The following PGR variants were observed in gnomAD, a reference collection of about 807,000 sequenced individuals.
The protein encoded by PGR is progesterone receptor.
PGR carries 25 observed loss-of-function variants against 76.1 expected under a neutral mutation model. The ratio of observed to expected loss-of-function variants is 0.33; its 90% CI spans 0.24 to 0.46. The LOEUF (loss-of-function observed/expected upper bound fraction) is 0.46. Among genes scored for constraint, PGR ranks in the 20% least tolerant of loss-of-function variants. The pLI is 1.00. For synonymous variants in PGR, 579 were observed against 535.0 expected, an observed-to-expected ratio of 1.08 and a Z score of -1.14; for missense variants, 1,172 against 1,225.3, an observed-to-expected ratio of 0.96 and a Z score of 0.65.
intron 6 of PGR, among the ~76,000 whole-genome samples, chr11:101,045,703 G>GTATA (rs1859854081): frequency 6.7e-6 from 1 of 150,358 alleles, no homozygotes; most frequent in Non-Finnish European, 1.5e-5. Context: ...GTGTATGTAT[G>GTATA]TATATGTGTG....
Position 101,035,271 on chromosome 11 carries a change from T to A in PGR, c.*3845A>T, listed in dbSNP as rs180738241. 4.4e-6 allele frequency: 1 copy of A among 227,886 alleles called. No homozygotes were observed. The highest frequency in any genetic ancestry group is 8.7e-6 in the Non-Finnish European group (1 of 114,724). 14.1% of individuals were successfully genotyped at this position (227,886 alleles called of 1,614,324 possible). ...TATGTTTTGGCAAGTTTTGAATGCT[T>A]CTTATGCACATGGCTCTGGAGTTGT... On this transcript the variant is annotated 3_prime_UTR_variant, in exon 8 of 8. Coordinates refer to ENST00000325455, the MANE Select transcript of PGR (RefSeq NM_000926.4).
At chr11:101,120,106 T>G (rs1254187713) in intron 2 of PGR, among the ~76,000 whole-genome samples, 1 of 152,226 alleles carries the variant, frequency 6.6e-6, no homozygotes, top group African/African-American at 2.4e-5. Context: ...CTGCCATTCT[T>G]CTCCATGTGT....
At position 101,091,766 on chromosome 11, in the gene PGR, G is replaced by C; in HGVS notation, c.1900C>G (p.Leu634Val). Residue 634 changes from leucine to valine, a missense_variant, in exon 3 of 8, where the codon CTT (leucine) becomes GTT (valine). By Grantham distance (32) the Leu-to-Val change is conservative (BLOSUM62 1). This residue lies in a region of PGR where 73 missense variants were observed against 60.7 expected (regional missense o/e 1.20). Transcript: ENST00000325455. ...ATGAAAACATCAGAATTACCTCCAAGGACCATGCCAGCCTGACAGCACTTT... is the reference window on the plus strand; with the variant it reads ...ATGAAAACATCAGAATTACCTCCAACGACCATGCCAGCCTGACAGCACTTT... ...LRKCCQAGMV[L>V]GGRKFKKFNK... is the part of the protein sequence containing the mutation. 6.6e-7 allele frequency: 1 copy of C among 1,521,870 alleles called. No individual in the cohort carries two copies. Among genetic ancestry groups the C allele is most frequent in the Non-Finnish European group, 9.1e-7 (1 of 1,095,996 alleles). The allele number at this position is 1,521,870 out of a possible 1,614,324, so 94.3% of individuals were successfully genotyped here. A position where few individuals can be genotyped will look rare whatever the true frequency, so the allele number is the denominator to read the frequency against.
At chr11:101,108,453 C>G (rs536034980) in intron 2 of PGR, among the ~76,000 whole-genome samples, 1 of 152,248 alleles carries the variant, frequency 6.6e-6, no homozygotes, top group East Asian at 1.9e-4. Context: ...GATCATGCCA[C>G]TGCACTCCAG....
intron 2 of PGR, among the ~76,000 whole-genome samples, chr11:101,102,029 A>G (rs1862011898): frequency 6.6e-6 from 1 of 152,182 alleles, no homozygotes; most frequent in South Asian, 2.1e-4. Flanking sequence ...AAAATCAGAC[A>G]AAGCCAGATT....
At chr11:101,116,135 A>G (rs1862498763) in intron 2 of PGR, among the ~76,000 whole-genome samples, 1 of 152,206 alleles carries the variant, frequency 6.6e-6, no homozygotes, top group Non-Finnish European at 1.5e-5. Context: ...TTTTGTTTGC[A>G]GTGCTTTTTG....
At position 101,034,008 on chromosome 11, in the gene PGR, C is replaced by T. The variant is rs1387556198; in HGVS notation, c.*5108G>A. The T allele has an allele frequency of 1.7e-5, 4 of 230,208 alleles. No individual in the cohort carries two copies. In the South Asian group the frequency reaches 7.3e-4, roughly 42 times the overall value. The allele number at this position is 230,208 out of a possible 1,614,324, so 14.3% of individuals were successfully genotyped here. A position where few individuals can be genotyped will look rare whatever the true frequency, so the allele number is the denominator to read the frequency against. ...TTATTCATATCTATCCGAATATTGACCAGGACACTAATGCCACACTGCAGA... is the reference window on the plus strand; with the variant it reads ...TTATTCATATCTATCCGAATATTGATCAGGACACTAATGCCACACTGCAGA... On this transcript the variant is annotated 3_prime_UTR_variant, in exon 8 of 8. Transcript: ENST00000325455.
At chr11:101,122,391 A>G (rs927061046) in intron 2 of PGR, among the ~76,000 whole-genome samples, 2 of 152,224 alleles carry the variant, frequency 1.3e-5, no homozygotes, top group African/African-American at 4.8e-5. Context: ...CTGGATGCCT[A>G]GTATATTCCT....
chr11:101,060,358 T>G (rs1860448292), intron 4 of PGR, among the ~76,000 whole-genome samples: 1 of 152,210 alleles, frequency 6.6e-6, no homozygotes, highest in Non-Finnish European at 1.5e-5. Flanking sequence ...GATGACCAGA[T>G]GCTAGCATGT....
At chr11:101,091,560 C>T (rs1279102274) in intron 3 of PGR, among the ~76,000 whole-genome samples, 200 bp downstream of exon 3, 1 of 152,122 alleles carries the variant, frequency 6.6e-6, no homozygotes, top group African/African-American at 2.4e-5. Context: ...TCTTAACAGA[C>T]CTCAATGTGC....
In PGR at chr11:101,062,741, T is replaced by A. The variant is rs1230225508; in HGVS notation, c.1918A>T (p.Lys640Ter). Residue 640 changes from lysine to a stop codon, truncating the protein, a stop_gained, in exon 4 of 8, where the codon AAA (lysine) becomes TAA (stop). Coordinates refer to ENST00000325455, the MANE Select transcript of PGR (RefSeq NM_000926.4). LOFTEE classifies it high-confidence loss of function. ...AGMVLGGRKF[K>*]KFNKVRVVRA... ...ACAACTCTGACTTTATTGAACTTTT[T>A]AAATTTTCGACCTACAGAGAAGAAA... 2 of 1,611,670 alleles carry A rather than the reference T, an allele frequency of 1.2e-6. No homozygotes were observed. The highest frequency in any genetic ancestry group is 1.7e-6 in the Non-Finnish European group (2 of 1,179,356).
chr11:101,055,611 T>C (rs1263619007), intron 4 of PGR, among the ~76,000 whole-genome samples: 1 of 152,122 alleles, frequency 6.6e-6, no homozygotes, highest in Non-Finnish European at 1.5e-5. Flanking sequence ...TTAACTATGC[T>C]GTAATTTTTC....
At chr11:101,123,530 C>G (rs1199736251) in intron 2 of PGR, among the ~76,000 whole-genome samples, 2 of 152,222 alleles carry the variant, frequency 1.3e-5, no homozygotes, top group Non-Finnish European at 2.9e-5. Context: ...AATCTAGTTT[C>G]TCAAACTTTA....
At chr11:101,120,446 G>A (rs1281970689) in intron 2 of PGR, among the ~76,000 whole-genome samples, 2 of 152,030 alleles carry the variant, frequency 1.3e-5, no homozygotes, top group Non-Finnish European at 2.9e-5. Flanking sequence ...ATGTACCAAA[G>A]GAGAAATGTA....
intron 2 of PGR, among the ~76,000 whole-genome samples, chr11:101,093,483 G>A (rs1861740817): frequency 1.3e-5 from 2 of 152,000 alleles, no homozygotes; most frequent in East Asian, 1.9e-4. Context: ...TCTTTCAGAC[G>A]GAGTTTCGCT....
chr11:101,107,865 TAAA>T (rs56355097), intron 2 of PGR, among the ~76,000 whole-genome samples: 5 of 119,272 alleles, frequency 4.2e-5, no homozygotes, highest in Non-Finnish European at 3.4e-5. Flanking sequence ...ACTGGCTTTG[TAAA>T]AAAAAAAAAA....
intron 2 of PGR, among the ~76,000 whole-genome samples, chr11:101,107,829 C>G (rs535903692): frequency 7.0e-6 from 1 of 143,484 alleles, no homozygotes; most frequent in African/African-American, 2.6e-5. Context: ...TTATAACTTT[C>G]TAGAATCTCC....
rs570684954 is a variant in PGR at position 101,085,080 on chromosome 11, A to G, written c.1906+6680T>C. Among the ~76,000 whole-genome samples the G allele has an allele frequency of 5.7e-4, 87 of 152,306 alleles. 1 individual carries two copies. The highest frequency in any genetic ancestry group is 1.9e-3 in the African/African-American group (77 of 41,564). ...TGGACTTAAACTCAATGCTTGTCCA[A>G]TTGGATCTAATAAACATCTACAGAA... On this transcript the variant is annotated intron_variant, in intron 3 of 7. Transcript: ENST00000325455.
At chr11:101,054,399 A>T (rs1384983638) in intron 4 of PGR, among the ~76,000 whole-genome samples, 2 of 152,198 alleles carry the variant, frequency 1.3e-5, no homozygotes, top group African/African-American at 2.4e-5. Context: ...GTCTTCAAGT[A>T]TAGGTCTACA....
Sources: gnomAD v4.1 joint callset for allele counts (sites outside exome capture counted in the v4.1 genomes callset) on GRCh38, gnomAD v4.1.1 for gene constraint, gnomAD v4.1.1 regional missense constraint, MANE v1.5 for transcripts, NCBI Gene and HGNC (gene_info 2026-07-23, HGNC 2026-07-21) for gene names.